The following ATF3 variants were observed in gnomAD, a reference collection of about 807,000 sequenced individuals.
The protein encoded by ATF3 is cyclic AMP-dependent transcription factor ATF-3.
Under a neutral mutation model 18.4 loss-of-function variants are expected in ATF3, and 10 were observed. That is an observed-to-expected ratio of 0.54 (90% CI 0.34 to 0.92). ATF3 has a LOEUF of 0.92. Among genes scored for constraint, ATF3 ranks in the 40% least tolerant of loss-of-function variants. The pLI is 0.02. For synonymous variants in ATF3, 78 were observed against 87.9 expected (o/e 0.89, Z 0.63); for missense variants, 183 against 222.3 (o/e 0.82, Z 1.12).
At chr1:212,574,053 T>C (rs1334537560) in intron 1 of ATF3, among the ~76,000 whole-genome samples, 1 of 151,866 alleles carries the variant, frequency 6.6e-6, no homozygotes, top group African/African-American at 2.4e-5. Flanking sequence ...TCAGTTAGTT[T>C]TGGTTTTGCC....
In ATF3 at chr1:212,615,102, G is replaced by A; in HGVS notation, c.81G>A (p.Gly27=). 1 of 1,614,190 alleles carries A rather than the reference G, an allele frequency of 6.2e-7. No homozygotes were observed. Among genetic ancestry groups the A allele is most frequent in the Non-Finnish European group, 8.5e-7 (1 of 1,180,028 alleles). ...SAIVPCLSPP[G]SLVFEDFANL... ...TCGTCCCCTGCCTGTCCCCTCCTGG[G>A]TCACTGGTGTTTGAGGATTTTGCTA... is the stretch of plus-strand genomic sequence containing the variant. The change falls in exon 2 of 4, where the codon GGG becomes GGA. Residue 27 remains glycine, a synonymous_variant. Coordinates refer to ENST00000341491, the MANE Select transcript of ATF3 (RefSeq NM_001674.4).
chr1:212,581,017 A>G (rs957238202), intron 1 of ATF3, among the ~76,000 whole-genome samples: 2 of 151,930 alleles, frequency 1.3e-5, no homozygotes, highest in Non-Finnish European at 2.9e-5. Flanking sequence ...GATCTGCCCA[A>G]CTTGGCCTCC....
intron 1 of ATF3, among the ~76,000 whole-genome samples, chr1:212,590,474 C>A (rs781130025): frequency 1.3e-5 from 2 of 151,952 alleles, no homozygotes; most frequent in Non-Finnish European, 2.9e-5. Flanking sequence ...GGAAGTTCAC[C>A]ATCCAAATAA....
intron 1 of ATF3, among the ~76,000 whole-genome samples, chr1:212,572,588 A>G (rs1015910118): frequency 1.3e-5 from 2 of 152,250 alleles, no homozygotes; most frequent in Admixed American, 6.5e-5. Flanking sequence ...GTTGAACATT[A>G]GAATGATTTT....
At chr1:212,617,549 T>C (rs1430576218) in intron 2 of ATF3, among the ~76,000 whole-genome samples, 1 of 152,228 alleles carries the variant, frequency 6.6e-6, no homozygotes, top group Non-Finnish European at 1.5e-5. Flanking sequence ...ATGGGCCGAT[T>C]AATGCCGCTT....
At chr1:212,611,731 C>T (rs11571527) in intron 1 of ATF3, among the ~76,000 whole-genome samples, 114 of 152,270 alleles carry the variant, frequency 7.5e-4, no homozygotes, top group African/African-American at 2.6e-3. Flanking sequence ...GCTGTAGCTA[C>T]TAGGAAATAA....
At position 212,619,025 on chromosome 1, in the gene ATF3, T is replaced by G. The variant is rs771217741; in HGVS notation, c.349-333T>G. 17 of 1,614,000 alleles carry G rather than the reference T, an allele frequency of 1.1e-5. No individual in the cohort carries two copies. The highest frequency in any genetic ancestry group is 1.2e-5 in the Non-Finnish European group (14 of 1,180,000). On this transcript the variant is annotated intron_variant, in intron 3 of 3. Transcript: ENST00000341491. This position sits in a 1 kb window ranked among gnomAD's most constrained non-coding sequence, Gnocchi z 4.4. ...TGACTCAGAATCGACTAAGCCACCA[T>G]AAGTCTGGATTTCTCCCCAGCTCCC...
intron 1 of ATF3, among the ~76,000 whole-genome samples, chr1:212,579,832 T>C (rs917692841): frequency 6.6e-6 from 1 of 152,120 alleles, no homozygotes; most frequent in Admixed American, 6.5e-5. Flanking sequence ...GAATGAGAAA[T>C]AAACTATCTT....
At chr1:212,574,471 T>C (rs1013958602) in intron 1 of ATF3, among the ~76,000 whole-genome samples, 1 of 152,088 alleles carries the variant, frequency 6.6e-6, no homozygotes, top group African/African-American at 2.4e-5. Context: ...TCTCCTGTTC[T>C]ATAATATCTT....
chr1:212,569,986 T>G (rs893128549), intron 1 of ATF3, among the ~76,000 whole-genome samples: 1 of 152,194 alleles, frequency 6.6e-6, no homozygotes, highest in Non-Finnish European at 1.5e-5. Context: ...CACAAAGAAA[T>G]TTTCCACATG....
chr1:212,586,151 C>A (rs6674072), intron 1 of ATF3, among the ~76,000 whole-genome samples: 19,018 of 152,092 alleles, frequency 0.13, 1,670 homozygotes, highest in East Asian at 0.29. Flanking sequence ...CCTCTTCTAC[C>A]TTCACACACA....
Position 212,592,837 on chromosome 1 carries a change from T to C in ATF3, c.-4-22181T>C, listed in dbSNP as rs186753386. Among the ~76,000 whole-genome samples, 579 of 152,216 alleles carry C rather than the reference T, an allele frequency of 3.8e-3. 5 individuals are homozygous for C. Among genetic ancestry groups the C allele is most frequent in the African/African-American group, 0.012 (518 of 41,524 alleles). On this transcript the variant is annotated intron_variant, in intron 1 of 3. Transcript: ENST00000366981. ...GGGTGCTGCCAGCCCGATACATCCATTGATAACATGGCATTTAAAGATAAG... is the reference window on the plus strand; with the variant it reads ...GGGTGCTGCCAGCCCGATACATCCACTGATAACATGGCATTTAAAGATAAG...
upstream of ATF3, among the ~76,000 whole-genome samples, chr1:212,603,855 GAAGA>G (rs1373616562): frequency 9.9e-5 from 15 of 151,626 alleles, 1 homozygote; most frequent in Non-Finnish European, 2.1e-4. Context: ...ATATTTTTAA[GAAGA>G]AAGACCATAT....
At position 212,619,515 on chromosome 1, in the gene ATF3, T is replaced by C. The variant is rs139028595; in HGVS notation, c.506T>C (p.Leu169Pro). Residue 169 changes from leucine to proline, a missense_variant, in exon 4 of 4, where the codon CTC becomes CCC. Transcript: ENST00000341491. This position sits in a 1 kb window ranked among gnomAD's most constrained non-coding sequence, Gnocchi z 4.4. ...NGRTPEDERNLFIQQIKEGTL... is the reference protein window; with the variant it reads ...NGRTPEDERNPFIQQIKEGTL... Reference sequence around the variant, plus strand: ...AGGACTCCAGAAGATGAGAGAAACCTCTTTATCCAACAGATAAAAGAAGGA... The same window carrying C: ...AGGACTCCAGAAGATGAGAGAAACCCCTTTATCCAACAGATAAAAGAAGGA... 1.7e-5 allele frequency: 28 copies of C among 1,614,048 alleles called. No homozygotes were observed. Among genetic ancestry groups the C allele is most frequent in the East Asian group, 1.3e-4 (6 of 44,906 alleles).
chr1:212,615,098 C>T lies in ATF3; in HGVS notation c.77C>T (p.Pro26Leu). 1.9e-6 allele frequency: 3 copies of T among 1,614,204 alleles called. No homozygotes were observed. Among genetic ancestry groups the T allele is most frequent in the Non-Finnish European group, 2.5e-6 (3 of 1,180,030 alleles). ...GCCATCGTCCCCTGCCTGTCCCCTC[C>T]TGGGTCACTGGTGTTTGAGGATTTT... ...ASAIVPCLSP[P>L]GSLVFEDFAN... Residue 26 changes from proline to leucine, a missense_variant, in exon 2 of 4, where the codon CCT (proline) becomes CTT (leucine). Pro to Leu is a moderately conservative substitution (Grantham distance 98). Transcript: ENST00000341491.
intron 1 of ATF3, among the ~76,000 whole-genome samples, chr1:212,609,377 G>GC (rs1280008854): frequency 3.7e-4 from 30 of 80,332 alleles, no homozygotes; most frequent in African/African-American, 1.4e-3. Flanking sequence ...TTCCCGGGTG[G>GC]GGGGGGGGGG....
At chr1:212,607,465 G>A (rs61830697), upstream of ATF3, among the ~76,000 whole-genome samples, 3 of 152,204 alleles carry the variant, frequency 2.0e-5, no homozygotes, top group Non-Finnish European at 4.4e-5. Context: ...TGGGGTCGGG[G>A]AATAAGAACC....
intron 1 of ATF3, chr1:212,613,596 G>C (rs1218180237): frequency 6.6e-6 from 1 of 152,208 alleles, no homozygotes; most frequent in Non-Finnish European, 1.5e-5. Flanking sequence ...AAGGTTTCTG[G>C]TATGAAGGAG....
intron 1 of ATF3, among the ~76,000 whole-genome samples, chr1:212,577,319 A>G (rs993235072): frequency 6.6e-6 from 1 of 152,146 alleles, no homozygotes; most frequent in Non-Finnish European, 1.5e-5. Context: ...ATAGTGTTCA[A>G]TGTGATTTTT....
Sources: gnomAD v4.1 joint callset for allele counts (sites outside exome capture counted in the v4.1 genomes callset) on GRCh38, gnomAD v4.1.1 for gene constraint, Gnocchi (gnomAD v3.1) non-coding constraint, MANE v1.5 for transcripts, NCBI Gene and HGNC (gene_info 2026-07-23, HGNC 2026-07-21) for gene names.